CTTNBP2: variants seen among roughly 807,000 people sequenced by gnomAD.
CTTNBP2 encodes cortactin binding protein 2.
Under a neutral mutation model 156.9 loss-of-function variants are expected in CTTNBP2, and 108 were observed. That is an observed-to-expected ratio of 0.69 (90% CI 0.59 to 0.81). CTTNBP2 has a LOEUF of 0.81. CTTNBP2 is among the 30% of genes least tolerant of loss of function. The pLI, the probability that CTTNBP2 is intolerant of heterozygous loss-of-function variation, is 0.00. For synonymous variants in CTTNBP2, 767 were observed against 751.8 expected (o/e 1.02, Z -0.33); for missense variants, 1,924 against 2,035.4 (o/e 0.95, Z 1.05).
intron 2 of CTTNBP2, among the ~76,000 whole-genome samples, chr7:117,858,973 T>C (rs1420600647): frequency 6.6e-6 from 1 of 152,188 alleles, no homozygotes; most frequent in Non-Finnish European, 1.5e-5. Context: ...TTCATGTCAA[T>C]GCCATGAATA....
chr7:117,859,748 T>C (rs1445292793), intron 2 of CTTNBP2, among the ~76,000 whole-genome samples: 1 of 152,238 alleles, frequency 6.6e-6, no homozygotes, highest in Admixed American at 6.5e-5. Flanking sequence ...AAATGTCTAC[T>C]GAGCAGAACT....
intron 2 of CTTNBP2, among the ~76,000 whole-genome samples, chr7:117,833,416 T>C (rs1747924797): frequency 6.6e-6 from 1 of 152,218 alleles, no homozygotes; most frequent in Non-Finnish European, 1.5e-5. Context: ...GTGTCTTATC[T>C]GATTAAAACA....
At chr7:117,805,462 T>C (rs1288230080) in intron 3 of CTTNBP2, among the ~76,000 whole-genome samples, 1 of 152,196 alleles carries the variant, frequency 6.6e-6, no homozygotes, top group Non-Finnish European at 1.5e-5. Context: ...GCTGTTCAAC[T>C]TCTCTGTGAC....
intron 4 of CTTNBP2, among the ~76,000 whole-genome samples, chr7:117,788,941 T>C (rs1290533558): frequency 6.6e-6 from 1 of 151,752 alleles, no homozygotes; most frequent in Admixed American, 6.6e-5. Flanking sequence ...AGTCAGAGAG[T>C]AGAAAATAAG....
At chr7:117,868,535 T>C (rs1804364403) in intron 1 of CTTNBP2, among the ~76,000 whole-genome samples, 1 of 152,208 alleles carries the variant, frequency 6.6e-6, no homozygotes, top group African/African-American at 2.4e-5. Flanking sequence ...GAAGGCATCA[T>C]GCTGTACACG....
intron 18 of CTTNBP2, 82 bp from the exon 19 acceptor site, chr7:117,724,814 A>G: frequency 6.7e-7 from 1 of 1,486,356 alleles, no homozygotes; most frequent in Non-Finnish European, 9.2e-7. Context: ...AAAGATACGG[A>G]CTGTTCAAAA....
At chr7:117,857,350 T>C (rs1378329799) in intron 2 of CTTNBP2, among the ~76,000 whole-genome samples, 1 of 152,182 alleles carries the variant, frequency 6.6e-6, no homozygotes, top group Non-Finnish European at 1.5e-5. Flanking sequence ...ACCTTAAATA[T>C]ATGAAAATAG....
intron 1 of CTTNBP2, among the ~76,000 whole-genome samples, chr7:117,869,733 C>A (rs1478408966): frequency 6.6e-6 from 1 of 151,496 alleles, no homozygotes; most frequent in Admixed American, 6.6e-5. Context: ...ATGACAGCAA[C>A]GACAATAATA....
In CTTNBP2 at chr7:117,719,647, G is replaced by C. The variant is rs572755683; in HGVS notation, c.4512-11C>G. ...TCATTCTCTAAAGACCTAACACAAA[G>C]TTCAGAAAAACGTTTTTCAAAGTGA... On this transcript the variant is annotated splice_polypyrimidine_tract_variant and intron_variant, in intron 20 of 22. Coordinates refer to ENST00000160373, the MANE Select transcript of CTTNBP2 (RefSeq NM_033427.3). 6 of 1,600,392 alleles carry C rather than the reference G, an allele frequency of 3.7e-6. No individual in the cohort carries two copies.
intron 7 of CTTNBP2, among the ~76,000 whole-genome samples, chr7:117,778,333 G>A (rs1269717914): frequency 1.3e-5 from 2 of 152,164 alleles, no homozygotes; most frequent in Admixed American, 6.5e-5. Context: ...CCCCTATTGA[G>A]TGTTTTGTGA....
chr7:117,869,719 A>T (rs1009627598), intron 1 of CTTNBP2, among the ~76,000 whole-genome samples: 5 of 152,214 alleles, frequency 3.3e-5, no homozygotes, highest in Non-Finnish European at 5.9e-5. Flanking sequence ...GAAATACAAT[A>T]ACAATGACAG....
At chr7:117,724,940 A>G in intron 18 of CTTNBP2, 112 bp downstream of exon 18, 1 of 1,110,018 alleles carries the variant, frequency 9.0e-7, no homozygotes, top group Non-Finnish European at 1.3e-6. Context: ...GAACACTGCT[A>G]TAAGATGTAT....
In CTTNBP2 at chr7:117,821,566, A is replaced by G. The variant is rs530622522; in HGVS notation, c.190-10577T>C. Among the ~76,000 whole-genome samples the G allele has an allele frequency of 2.0e-5, 3 of 150,292 alleles. No individual in the cohort carries two copies. In the South Asian group the frequency reaches 6.3e-4, roughly 32 times the overall value. On this transcript the variant is annotated intron_variant, in intron 2 of 22. Coordinates refer to ENST00000160373, the MANE Select transcript of CTTNBP2 (RefSeq NM_033427.3). ...ATTATGGTATATTGCTTGAAATTCA[A>G]TTTGCTAATATTCTGTTTAGGATTT...
intron 2 of CTTNBP2, among the ~76,000 whole-genome samples, chr7:117,860,222 A>C: frequency 6.6e-6 from 1 of 152,250 alleles, no homozygotes. Context: ...TTAAATAGAA[A>C]AGAAGGAAAA....
At chr7:117,783,348 C>T (rs531807537) in intron 5 of CTTNBP2, among the ~76,000 whole-genome samples, 27 of 152,208 alleles carry the variant, frequency 1.8e-4, no homozygotes, top group South Asian at 8.3e-4. Flanking sequence ...ATTTACCAAA[C>T]GGAAATACCA....
At chr7:117,811,792 C>A (rs1000970412) in intron 2 of CTTNBP2, among the ~76,000 whole-genome samples, 1 of 150,368 alleles carries the variant, frequency 6.7e-6, no homozygotes. Flanking sequence ...GAAGAAAATT[C>A]TTTGTGAAAT....
intron 4 of CTTNBP2, chr7:117,786,551 C>A: frequency 2.9e-6 from 1 of 340,408 alleles, no homozygotes; most frequent in Non-Finnish European, 5.7e-6. Context: ...CAAACACAGG[C>A]AATATGAAGG....
chr7:117,825,518 T>TTTATCCTCAG (rs1310612371), intron 2 of CTTNBP2, among the ~76,000 whole-genome samples: 1 of 152,212 alleles, frequency 6.6e-6, no homozygotes, highest in Non-Finnish European at 1.5e-5. Context: ...TCAGTTCTCA[T>TTTATCCTCAG]TTATCCTTCA....
Position 117,745,936 on chromosome 7 carries a change from A to G in CTTNBP2, c.3436-6T>C. 1 of 1,613,766 alleles carries G rather than the reference A, an allele frequency of 6.2e-7. No individual in the cohort carries two copies. On this transcript the variant is annotated splice_polypyrimidine_tract_variant and splice_region_variant and intron_variant, in intron 13 of 22. Transcript: ENST00000160373. The stretch of plus-strand genomic sequence containing the variant: ...CCTGCAGCCATTTGTCTGTGCTGTG[A>G]TAAGAAAATAGGGTGATTAGTTCTA...
Sources: gnomAD v4.1 joint callset for allele counts (sites outside exome capture counted in the v4.1 genomes callset) on GRCh38, gnomAD v4.1.1 for gene constraint, MANE v1.5 for transcripts, NCBI Gene and HGNC (gene_info 2026-07-23, HGNC 2026-07-21) for gene names.